The following KDM4C variants were observed in gnomAD, a reference collection of about 807,000 sequenced individuals.
The protein encoded by KDM4C is lysine-specific demethylase 4C.
Under a neutral mutation model 129.3 loss-of-function variants are expected in KDM4C, and 81 were observed. The observed-to-expected ratio is 0.63, with a 90% CI of 0.52 to 0.75. The LOEUF is 0.75. Ranked by LOEUF, KDM4C falls within the 30% of genes least tolerant of loss-of-function variation. The pLI, the probability that KDM4C is intolerant of heterozygous loss-of-function variation, is 0.00. For missense variants in KDM4C, 1,457 were observed against 1,304.0 expected (o/e 1.12, Z -1.81); for synonymous variants, 573 against 456.1 (o/e 1.26, Z -3.26).
intron 8 of KDM4C, among the ~76,000 whole-genome samples, chr9:6,974,103 A>G (rs1226792017): frequency 6.6e-6 from 1 of 152,194 alleles, no homozygotes; most frequent in Non-Finnish European, 1.5e-5. Flanking sequence ...TCCTTGTGAC[A>G]TCCAACAAGT....
At position 7,158,184 on chromosome 9, in the gene KDM4C, G is replaced by A. The variant is rs534719324; in HGVS notation, c.2782-7054G>A. ...TTCTCTGATGGTAGTATTCTCTGTG[G>A]GATCAGTGGTGATATCCCCTTTTTC... On this transcript the variant is annotated intron_variant, in intron 19 of 21. Transcript: ENST00000381309. 8.0e-4 allele frequency among the ~76,000 whole-genome samples: 122 copies of A among 152,002 alleles called. No individual in the cohort carries two copies. In the Middle Eastern group the frequency reaches 0.017, roughly 21 times the overall value.
intron 10 of KDM4C, 56 bp from the exon 11 acceptor site, chr9:6,986,288 C>G (rs900297960): frequency 8.3e-7 from 1 of 1,207,398 alleles, no homozygotes; most frequent in Non-Finnish European, 1.2e-6. Context: ...TTTACCAATT[C>G]TACTTAGTAG....
At chr9:6,761,021 A>C (rs1184166776) in intron 1 of KDM4C, among the ~76,000 whole-genome samples, 1 of 89,592 alleles carries the variant, frequency 1.1e-5, no homozygotes, top group Non-Finnish European at 2.1e-5. Flanking sequence ...TTTTTTTTTG[A>C]GACGGAATCT....
chr9:6,752,427 T>C (rs1401307375), intron 1 of KDM4C, among the ~76,000 whole-genome samples: 71 of 124,320 alleles, frequency 5.7e-4, no homozygotes, highest in African/African-American at 2.0e-3. Context: ...TTTTTTTTTT[T>C]CCGGTGGAGT....
intron 8 of KDM4C, among the ~76,000 whole-genome samples, chr9:6,903,226 G>C (rs941472193): frequency 6.6e-5 from 10 of 152,128 alleles, no homozygotes; most frequent in African/African-American, 2.4e-4. Flanking sequence ...ATTCAGGGTT[G>C]TCCTTTGATT....
chr9:6,762,950 A>T (rs1032622977), intron 1 of KDM4C, among the ~76,000 whole-genome samples: 6 of 151,560 alleles, frequency 4.0e-5, no homozygotes, highest in Admixed American at 1.3e-4. Flanking sequence ...ATGAGCCACC[A>T]CACCCGGCCA....
chr9:6,886,986 T>C (rs1439208931), intron 6 of KDM4C, among the ~76,000 whole-genome samples: 3 of 152,206 alleles, frequency 2.0e-5, no homozygotes, highest in African/African-American at 7.2e-5. Flanking sequence ...TTTCCAGCAG[T>C]TTCCCCCCTC....
intron 15 of KDM4C, among the ~76,000 whole-genome samples, chr9:7,023,125 G>C (rs1012058659): frequency 6.6e-6 from 1 of 152,100 alleles, no homozygotes; most frequent in South Asian, 2.1e-4. Flanking sequence ...TGTTTCCTTT[G>C]ATTTTGGTAT....
At chr9:7,045,875 A>G (rs1306529036) in intron 15 of KDM4C, among the ~76,000 whole-genome samples, 3 of 152,060 alleles carry the variant, frequency 2.0e-5, no homozygotes, top group African/African-American at 7.2e-5. Flanking sequence ...TTCACACCTC[A>G]TTAATAGTAG....
At chr9:7,086,679 T>A (rs1835152946) in intron 17 of KDM4C, among the ~76,000 whole-genome samples, 1 of 152,210 alleles carries the variant, frequency 6.6e-6, no homozygotes, top group African/African-American at 2.4e-5. Flanking sequence ...GCTACGGGGT[T>A]ACCAGCAGAT....
chr9:7,023,662 T>C (rs575913757), intron 15 of KDM4C, among the ~76,000 whole-genome samples: 5 of 152,286 alleles, frequency 3.3e-5, no homozygotes, highest in African/African-American at 1.2e-4. Flanking sequence ...ATTATTGTTT[T>C]TCGTCTAATT....
chr9:7,063,465 A>T (rs1831998548), intron 17 of KDM4C, among the ~76,000 whole-genome samples: 1 of 152,202 alleles, frequency 6.6e-6, no homozygotes, highest in African/African-American at 2.4e-5. Context: ...ATCAGAGCAG[A>T]TTAATGTTTT....
chr9:6,872,570 A>G (rs1293685119), intron 5 of KDM4C, among the ~76,000 whole-genome samples: 2 of 152,148 alleles, frequency 1.3e-5, no homozygotes, highest in African/African-American at 2.4e-5. Context: ...GGGTGCATAT[A>G]TATTTAGGAG....
chr9:6,905,603 T>C (rs184780225), intron 8 of KDM4C, among the ~76,000 whole-genome samples: 3 of 152,238 alleles, frequency 2.0e-5, no homozygotes, highest in Non-Finnish European at 4.4e-5. Context: ...TGAGAAAGCA[T>C]GACCAAGACT....
chr9:7,172,484 C>G (rs1845062800), intron 21 of KDM4C, among the ~76,000 whole-genome samples: 1 of 152,194 alleles, frequency 6.6e-6, no homozygotes, highest in African/African-American at 2.4e-5. Flanking sequence ...TCTTTGATAA[C>G]TTTAGCACTT....
At chr9:6,859,273 C>G (rs1255053670) in intron 5 of KDM4C, among the ~76,000 whole-genome samples, 1 of 151,888 alleles carries the variant, frequency 6.6e-6, no homozygotes, top group Non-Finnish European at 1.5e-5. Context: ...GTCAAGAGAT[C>G]AAGACCATCC....
chr9:6,980,272 G>T (rs1816538885), intron 8 of KDM4C, among the ~76,000 whole-genome samples: 1 of 152,138 alleles, frequency 6.6e-6, no homozygotes, highest in African/African-American at 2.4e-5. Flanking sequence ...GTATTCATGA[G>T]AATTAAAGGC....
At chr9:6,800,751 C>T (rs527712348) in intron 2 of KDM4C, among the ~76,000 whole-genome samples, 6 of 152,114 alleles carry the variant, frequency 3.9e-5, no homozygotes, top group African/African-American at 9.6e-5. Flanking sequence ...CTCAGCCTCC[C>T]GAGTAGCTAG....
At chr9:6,965,040 T>G (rs1222601580) in intron 8 of KDM4C, among the ~76,000 whole-genome samples, 1 of 152,080 alleles carries the variant, frequency 6.6e-6, no homozygotes, top group African/African-American at 2.4e-5. Flanking sequence ...ATTCTTAAAC[T>G]TCTCTTTCTT....
Sources: allele counts gnomAD v4.1 joint callset (sites outside exome capture counted in the v4.1 genomes callset), GRCh38; gene constraint gnomAD v4.1.1; transcripts MANE v1.5; gene names NCBI Gene and HGNC (gene_info 2026-07-23, HGNC 2026-07-21).